The following ZFYVE16 variants were observed in gnomAD, a reference collection of about 807,000 sequenced individuals.
The protein encoded by ZFYVE16 is zinc finger FYVE-type containing 16, also known as zinc finger FYVE domain-containing protein 16.
ZFYVE16 carries 89 observed loss-of-function variants against 138.1 expected under a neutral mutation model. That is an observed-to-expected ratio of 0.64 (90% CI 0.54 to 0.77). ZFYVE16 has a LOEUF of 0.77. Among genes scored for constraint, ZFYVE16 ranks in the 30% least tolerant of loss-of-function variants. The probability of loss-of-function intolerance (pLI) is 0.00; values close to 1 mark genes in which losing one functional copy is unlikely to be tolerated. For synonymous variants in ZFYVE16, 596 were observed against 618.3 expected, an observed-to-expected ratio of 0.96 and a Z score of 0.53; for missense variants, 1,793 against 1,786.7, an observed-to-expected ratio of 1.00 and a Z score of -0.06.
At position 80,439,327 on chromosome 5, in the gene ZFYVE16, G is replaced by A. The variant is rs149964152; in HGVS notation, c.2322+320G>A. On this transcript the variant is annotated intron_variant, in intron 4 of 18. Transcript: ENST00000505560. ...TGACACATTAAATATTCCAGATTTG[G>A]TCAGATTCCCCTTTGTCCTTGAACA... Among the ~76,000 whole-genome samples the A allele has an allele frequency of 2.8e-3, 433 of 152,164 alleles. 2 individuals carry two copies. The highest frequency in any genetic ancestry group is 0.01 in the African/African-American group (416 of 41,504).
intron 1 of ZFYVE16, among the ~76,000 whole-genome samples, chr5:80,414,288 C>T (rs1485379267): frequency 1.3e-5 from 2 of 152,186 alleles, no homozygotes; most frequent in East Asian, 3.8e-4. Context: ...TTCCTGCCTC[C>T]ATCTTGATGG....
In ZFYVE16 at chr5:80,448,010, A is replaced by G. The variant is rs1393805095; in HGVS notation, c.2725-16A>G. The G allele has an allele frequency of 1.3e-6, 2 of 1,540,712 alleles. No individual in the cohort carries two copies. Among genetic ancestry groups the G allele is most frequent in the South Asian group, 1.3e-5 (1 of 76,730 alleles). On this transcript the variant is annotated splice_polypyrimidine_tract_variant and intron_variant, in intron 7 of 18. Transcript: ENST00000505560. Reference sequence around the variant, plus strand: ...TATGAACTGATTTGTTATTTTTTTTATTACATATTTTACAGACAGTAAACA... The same window carrying G: ...TATGAACTGATTTGTTATTTTTTTTGTTACATATTTTACAGACAGTAAACA...
At chr5:80,432,877 C>G (rs1749285359) in intron 2 of ZFYVE16, among the ~76,000 whole-genome samples, 1 of 152,286 alleles carries the variant, frequency 6.6e-6, no homozygotes, top group Middle Eastern at 3.4e-3. Context: ...AAATGCAGAT[C>G]AAAACCACAA....
rs538302273 is a variant in ZFYVE16, at chr5:80,441,435, G to A, written c.2419+1403G>A. ...CTATTTTGATGTCTTATAGCATATA[G>A]TTTCATTTATGGTGCTATTTGTCAT... On this transcript the variant is annotated intron_variant, in intron 5 of 18. Coordinates refer to ENST00000505560, the MANE Select transcript of ZFYVE16 (RefSeq NM_001284236.3). The A allele has an allele frequency of 2.1e-4, 211 of 985,228 alleles. No homozygotes were observed. The African/African-American group carries it at 3.5e-3, about 17-fold the overall frequency. 61.0% of individuals were successfully genotyped at this position (985,228 alleles called of 1,614,324 possible).
chr5:80,435,800 C>A (rs568468880), intron 3 of ZFYVE16: 2 of 380,374 alleles, frequency 5.3e-6, no homozygotes, highest in African/African-American at 2.1e-5. Flanking sequence ...GTCTTGAACT[C>A]CTGATCTCAA....
chr5:80,412,727 A>G (rs924813728), intron 1 of ZFYVE16, among the ~76,000 whole-genome samples: 1 of 152,196 alleles, frequency 6.6e-6, no homozygotes, highest in Admixed American at 6.5e-5. Context: ...CTATTTCTAG[A>G]CCTTTCAGTT....
rs201059470 is a variant in ZFYVE16 at position 80,482,076 on chromosome 5, C to G, written c.*4699C>G. On this transcript the variant is annotated 3_prime_UTR_variant, in exon 19 of 19. Transcript: ENST00000505560. Reference sequence around the variant, plus strand: ...CCTCAAGTGATCTGCCTGCCTGGGCCTCCCAAAGTGCTGGGATTACAGGCA... The same window carrying G: ...CCTCAAGTGATCTGCCTGCCTGGGCGTCCCAAAGTGCTGGGATTACAGGCA... Among the ~76,000 whole-genome samples, 2 of 152,336 alleles carry G rather than the reference C, an allele frequency of 1.3e-5. No individual in the cohort carries two copies. Among genetic ancestry groups the G allele is most frequent in the East Asian group, 3.9e-4 (2 of 5,186 alleles).
intron 10 of ZFYVE16, 57 bp downstream of exon 10, chr5:80,450,643 C>T (rs2112452329): frequency 7.8e-6 from 12 of 1,540,736 alleles, no homozygotes; most frequent in Non-Finnish European, 1.1e-5. Context: ...TAGTTAAAGG[C>T]ATTTATGGTT....
rs1274602450 is a variant in ZFYVE16, at chr5:80,438,869, A to C, written c.2184A>C (p.Glu728Asp). ...FVTANEDSVP[E>D]NTCKEGLVLG... ...CTGCAAATGAAGATTCTGTACCTGA[A>C]AACACTTGCAAAGAAGGCTTGGTTT... is the stretch of plus-strand genomic sequence containing the variant. The change falls in exon 4 of 19, where the codon GAA (glutamate) becomes GAC (aspartate). Residue 728 changes from glutamate (E) to aspartate (D), a missense_variant. Glu to Asp is a conservative substitution (Grantham distance 45). Coordinates refer to ENST00000505560, the MANE Select transcript of ZFYVE16 (RefSeq NM_001284236.3). The C allele has an allele frequency of 3.1e-6, 5 of 1,614,130 alleles. No individual in the cohort carries two copies. The highest frequency in any genetic ancestry group is 4.2e-6 in the Non-Finnish European group (5 of 1,179,964).
In ZFYVE16 at chr5:80,443,202, G is replaced by C; in HGVS notation, c.2499G>C (p.Gln833His). ...ATTCTGATGAATGTACTACTGTCCA[G>C]CCTCCTCAGGAGAACCAAACATCCA... The part of the protein sequence containing the change: ...SNHSDECTTV[Q>H]PPQENQTSSI... Residue 833 changes from glutamine (Q) to histidine (H), a missense_variant, in exon 6 of 19, where the codon CAG becomes CAC. Around this residue, in one of 2 missense-constraint regions of ZFYVE16, gnomAD observed 1,295 missense variants for 1,204.3 expected, o/e 1.08. Transcript: ENST00000505560. The C allele has an allele frequency of 1.2e-6, 2 of 1,609,680 alleles. No individual in the cohort carries two copies. Among genetic ancestry groups the C allele is most frequent in the Non-Finnish European group, 8.5e-7 (1 of 1,178,978 alleles).
At chr5:80,460,855 C>G (rs1231968652) in intron 15 of ZFYVE16, among the ~76,000 whole-genome samples, 1 of 151,696 alleles carries the variant, frequency 6.6e-6, no homozygotes, top group Non-Finnish European at 1.5e-5. Context: ...TGTATAAAAG[C>G]AAAAAAGGAT....
chr5:80,431,385 A>G (rs574747128), intron 2 of ZFYVE16, among the ~76,000 whole-genome samples: 7 of 152,342 alleles, frequency 4.6e-5, no homozygotes, highest in East Asian at 1.9e-4. Context: ...ACAAAATTCA[A>G]TGGCCCTTCA....
intron 15 of ZFYVE16, among the ~76,000 whole-genome samples, chr5:80,461,792 G>A (rs1469230955): frequency 1.3e-5 from 2 of 152,136 alleles, no homozygotes; most frequent in Non-Finnish European, 2.9e-5. Flanking sequence ...CCAACATGGT[G>A]AAACCTCATC....
rs549091096 is a variant in ZFYVE16, at chr5:80,442,191, C to T, written c.2420-932C>T. On this transcript the variant is annotated intron_variant, in intron 5 of 18. Coordinates refer to ENST00000505560, the MANE Select transcript of ZFYVE16 (RefSeq NM_001284236.3). ...TGATCTCAGCTCACTGCAACCTCCA[C>T]CTCCCAGGCTCAAGCAGTCCTCCCA... Among the ~76,000 whole-genome samples, 16 of 152,220 alleles carry T rather than the reference C, an allele frequency of 1.1e-4. 1 individual carries two copies. Among genetic ancestry groups the T allele is most frequent in the African/African-American group, 3.6e-4 (15 of 41,532 alleles).
At chr5:80,453,557 G>A (rs1752202223) in intron 11 of ZFYVE16, among the ~76,000 whole-genome samples, 1 of 152,188 alleles carries the variant, frequency 6.6e-6, no homozygotes, top group Non-Finnish European at 1.5e-5. Flanking sequence ...GCTATGATAA[G>A]CTATTTAGTG....
intron 7 of ZFYVE16, 115 bp from the exon 8 acceptor site, chr5:80,447,911 T>G: frequency 2.2e-6 from 2 of 901,232 alleles, no homozygotes; most frequent in Non-Finnish European, 3.1e-6. Context: ...TCTGAACGCA[T>G]TTTGGTTTTT....
Position 80,456,489 on chromosome 5 carries a change from A to G in ZFYVE16, c.3719A>G (p.His1240Arg). 1.2e-6 allele frequency: 2 copies of G among 1,613,056 alleles called. No individual in the cohort carries two copies. The highest frequency in any genetic ancestry group is 1.7e-6 in the Non-Finnish European group (2 of 1,179,434). ...VDLRNYQYTL[H>R]NIDQLLIHME... ...CTTCGAAATTACCAGTATACCTTGCATAATATAGATCAACTGTTGATTCAT... is the reference window on the plus strand; with the variant it reads ...CTTCGAAATTACCAGTATACCTTGCGTAATATAGATCAACTGTTGATTCAT... Residue 1240 changes from histidine to arginine, a missense_variant, in exon 13 of 19, where the codon CAT (histidine) becomes CGT (arginine). By Grantham distance (29) the His-to-Arg change is conservative. Coordinates refer to ENST00000505560, the MANE Select transcript of ZFYVE16 (RefSeq NM_001284236.3).
chr5:80,435,368 C>T (rs1482787878), intron 3 of ZFYVE16, among the ~76,000 whole-genome samples: 1 of 152,004 alleles, frequency 6.6e-6, no homozygotes, highest in African/African-American at 2.4e-5. Flanking sequence ...GGGGTTTCAC[C>T]ATGTTGGCCA....
chr5:80,434,300 C>T, intron 3 of ZFYVE16, 83 bp downstream of exon 3: 1 of 1,400,900 alleles, frequency 7.1e-7, no homozygotes, highest in East Asian at 2.3e-5. Context: ...GTAATATTAG[C>T]AAAATTTTCT....
Sources: gnomAD v4.1 joint callset for allele counts (sites outside exome capture counted in the v4.1 genomes callset) on GRCh38, gnomAD v4.1.1 for gene constraint, gnomAD v4.1.1 regional missense constraint, MANE v1.5 for transcripts, NCBI Gene and HGNC (gene_info 2026-07-23, HGNC 2026-07-21) for gene names.